The following KCNQ1 variants were observed in gnomAD, a reference collection of about 807,000 sequenced individuals.
KCNQ1 encodes the protein potassium voltage-gated channel subfamily Q member 1.
In KCNQ1, 49 loss-of-function variants were observed where a neutral mutation model predicts 72.4. The observed-to-expected ratio is 0.68, with a 90% confidence interval of 0.54 to 0.86. The LOEUF (loss-of-function observed/expected upper bound fraction) is 0.86. KCNQ1 is among the 40% of genes least tolerant of loss of function. The pLI, the probability that KCNQ1 is intolerant of heterozygous loss-of-function variation, is 0.00. For synonymous variants in KCNQ1, 450 were observed against 412.6 expected (o/e 1.09, Z -1.10); for missense variants, 790 against 945.1 (o/e 0.84, Z 2.15).
chr11:2,697,548 A>G (rs895356703), intron 11 of KCNQ1: 2 of 398,504 alleles, frequency 5.0e-6, no homozygotes, highest in African/African-American at 4.1e-5. Context: ...TGGCTTGCTA[A>G]GTGGTGTACT....
intron 15 of KCNQ1, among the ~76,000 whole-genome samples, chr11:2,802,470 A>G (rs942118074): frequency 3.3e-5 from 5 of 152,172 alleles, no homozygotes; most frequent in African/African-American, 1.2e-4. Context: ...ATGTCTATTA[A>G]TTAAGCCCCC....
chr11:2,766,164 A>G lies in KCNQ1; in HGVS notation c.1515-2680A>G, dbSNP rs1335171799. 2.0e-4 allele frequency among the ~76,000 whole-genome samples: 30 copies of G among 152,002 alleles called. No individual in the cohort carries two copies. Among genetic ancestry groups the G allele is most frequent in the Admixed American group, 1.3e-4 (2 of 15,280 alleles). ...GGTAAAATTGTCTATCTTTTCATCT[A>G]TTTTCTTGAACCTATTTATCATGGT... is the stretch of plus-strand genomic sequence containing the variant. On this transcript the variant is annotated intron_variant, in intron 11 of 15. Transcript: ENST00000155840. The surrounding 1 kb of genome is among the most constrained non-coding windows in gnomAD (Gnocchi z 4.4).
intron 10 of KCNQ1, chr11:2,629,875 C>A (rs1849325155): frequency 5.0e-6 from 2 of 397,984 alleles, no homozygotes; most frequent in Non-Finnish European, 4.4e-6. Context: ...CAAACAGAGA[C>A]AATTTTACTT....
At chr11:2,708,548 C>T (rs866224574) in intron 11 of KCNQ1, among the ~76,000 whole-genome samples, 1 of 152,120 alleles carries the variant, frequency 6.6e-6, no homozygotes, top group African/African-American at 2.4e-5. Context: ...CCAAGAGGGT[C>T]GGTGCGGAGA....
In KCNQ1 at chr11:2,848,060, C is replaced by T. The variant is rs1036974472; in HGVS notation, c.*57C>T. On this transcript the variant is annotated 3_prime_UTR_variant, in exon 16 of 16. Transcript: ENST00000155840. ...TGAGAGGGGAGGCCAAGAGTGGCCCCACCTGGCCCTCTCTGAAGGAGGCCA... is the reference window on the plus strand; with the variant it reads ...TGAGAGGGGAGGCCAAGAGTGGCCCTACCTGGCCCTCTCTGAAGGAGGCCA... 2.1e-6 allele frequency: 3 copies of T among 1,429,316 alleles called. No individual in the cohort carries two copies. 88.5% of individuals were successfully genotyped at this position (1,429,316 alleles called of 1,614,324 possible).
chr11:2,662,776 T>C lies in KCNQ1; in HGVS notation c.1514+695T>C, dbSNP rs542852747. On this transcript the variant is annotated intron_variant, in intron 11 of 15. Transcript: ENST00000155840. Reference sequence around the variant, plus strand: ...GCTGCTAACCCGTTGGGGATTCCCCTTGATAAATGTCTTTGTGTCAAGATC... The same window carrying C: ...GCTGCTAACCCGTTGGGGATTCCCCCTGATAAATGTCTTTGTGTCAAGATC... 1.2e-3 allele frequency: 495 copies of C among 399,216 alleles called. 1 individual carries two copies. Among genetic ancestry groups the C allele is most frequent in the Non-Finnish European group, 1.9e-3 (439 of 226,490 alleles). 24.7% of individuals were successfully genotyped at this position (399,216 alleles called of 1,614,324 possible). A position where few individuals can be genotyped will look rare whatever the true frequency, so the allele number is the denominator to read the frequency against.
rs1850336582 is a variant in KCNQ1 at position 2,678,735 on chromosome 11, TAGAC to T, written c.1514+16657_1514+16660del. On this transcript the variant is annotated intron_variant, in intron 11 of 15. Transcript: ENST00000155840. The surrounding 1 kb of genome is among the most constrained non-coding windows in gnomAD (Gnocchi z 4.9). ...TTAAACACAGGATTAGCTCTTGAGT[TAGAC>T]AGGAAGCTGGGGTGTTTGGGACTGA... The T allele has an allele frequency of 5.0e-6, 2 of 398,488 alleles. No homozygotes were observed. The highest frequency in any genetic ancestry group is 8.8e-5 in the Admixed American group (2 of 22,708). 24.7% of individuals were successfully genotyped at this position (398,488 alleles called of 1,614,324 possible). A position where few individuals can be genotyped will look rare whatever the true frequency, so the allele number is the denominator to read the frequency against.
chr11:2,776,023 C>T lies in KCNQ1; in HGVS notation c.1654C>T (p.Leu552Phe), dbSNP rs780896003. The change falls in exon 13 of 16, where the codon CTC becomes TTC. Residue 552 changes from leucine to phenylalanine, a missense_variant. Coordinates refer to ENST00000155840, the MANE Select transcript of KCNQ1 (RefSeq NM_000218.3). The part of the protein sequence containing the change: ...IEQYSQGHLN[L>F]MVRIKELQRR... ...GCAGTACTCGCAGGGCCACCTCAAC[C>T]TCATGGTGCGCATCAAGGAGCTGCA... The T allele has an allele frequency of 5.7e-6, 9 of 1,572,510 alleles. No homozygotes were observed.
At chr11:2,553,163 T>TTTTTG (rs374755711) in intron 2 of KCNQ1, among the ~76,000 whole-genome samples, 2,704 of 120,762 alleles carry the variant, frequency 0.022, 81 homozygotes, top group African/African-American at 0.099. Context: ...GTTTTTTTTG[T>TTTTTG]TTTTTTTTTT....
chr11:2,575,068 C>G (rs925968156), intron 6 of KCNQ1, among the ~76,000 whole-genome samples: 5 of 152,178 alleles, frequency 3.3e-5, no homozygotes, highest in Admixed American at 1.3e-4. Context: ...GGGTACTGGC[C>G]CCGGCACGGC....
intron 4 of KCNQ1, 127 bp from the exon 5 acceptor site, chr11:2,571,886 C>T (rs1044873341): frequency 2.6e-6 from 2 of 756,674 alleles, no homozygotes; most frequent in Non-Finnish European, 2.3e-6. Context: ...TACCCAGCCT[C>T]CCCACCCAGA....
intron 13 of KCNQ1, among the ~76,000 whole-genome samples, chr11:2,776,618 G>A (rs1015156163): frequency 3.3e-5 from 5 of 152,188 alleles, no homozygotes; most frequent in East Asian, 1.9e-4. Context: ...AGATGGGCTC[G>A]CCTGGGAACT....
chr11:2,692,559 CT>C, intron 11 of KCNQ1: 2 of 398,834 alleles, frequency 5.0e-6, no homozygotes, highest in East Asian at 7.1e-5. Context: ...GCCCCTGCCA[CT>C]TTCCCCAAGG....
chr11:2,647,249 T>C lies in KCNQ1; in HGVS notation c.1394-14712T>C, dbSNP rs1412744777. ...GAGATGATCATGTATTTTTTTGTCCTTCCTTCTGTTAATGTGATGTATCAC... is the reference window on the plus strand; with the variant it reads ...GAGATGATCATGTATTTTTTTGTCCCTCCTTCTGTTAATGTGATGTATCAC... On this transcript the variant is annotated intron_variant, in intron 10 of 15. Coordinates refer to ENST00000155840, the MANE Select transcript of KCNQ1 (RefSeq NM_000218.3). The surrounding 1 kb of genome is among the most constrained non-coding windows in gnomAD (Gnocchi z 4.0). 5.0e-6 allele frequency: 2 copies of C among 398,418 alleles called. No homozygotes were observed. The highest frequency in any genetic ancestry group is 8.8e-6 in the Non-Finnish European group (2 of 226,052). 24.7% of individuals were successfully genotyped at this position (398,418 alleles called of 1,614,324 possible). A position where few individuals can be genotyped will look rare whatever the true frequency, so the allele number is the denominator to read the frequency against.
rs876657836 is a variant in KCNQ1 at position 2,587,637 on chromosome 11, C to T, written c.1196C>T (p.Ala399Val). ...ACCTGGAAGATCTACATCCGGAAGG[C>T]CCCCCGGAGCCACACTCTGCTGTCA... ...SSTWKIYIRK[A>V]PRSHTLLSPS... Residue 399 changes from alanine to valine, a missense_variant, in exon 9 of 16, where the codon GCC (alanine) becomes GTC (valine). Coordinates refer to ENST00000155840, the MANE Select transcript of KCNQ1 (RefSeq NM_000218.3). 33 of 1,613,752 alleles carry T rather than the reference C, an allele frequency of 2.0e-5. No individual in the cohort carries two copies. In the Admixed American group the frequency reaches 4.2e-4, roughly 20 times the overall value.
intron 1 of KCNQ1, among the ~76,000 whole-genome samples, chr11:2,465,126 C>T (rs1015379425): frequency 6.6e-6 from 1 of 152,240 alleles, no homozygotes; most frequent in African/African-American, 2.4e-5. Flanking sequence ...TCCTAACCTT[C>T]CATGGGCCAC....
At chr11:2,786,713 A>G (rs1846922316) in intron 15 of KCNQ1, among the ~76,000 whole-genome samples, 1 of 151,588 alleles carries the variant, frequency 6.6e-6, no homozygotes, top group Non-Finnish European at 1.5e-5. Flanking sequence ...TTCAATTATT[A>G]TTATTTTATT....
intron 1 of KCNQ1, among the ~76,000 whole-genome samples, chr11:2,514,274 C>T (rs1030450940): frequency 6.6e-6 from 1 of 152,256 alleles, no homozygotes; most frequent in Non-Finnish European, 1.5e-5. Context: ...TCATAGAGCC[C>T]GGCAGCATCT....
chr11:2,756,497 A>G (rs1368563699), intron 11 of KCNQ1, among the ~76,000 whole-genome samples: 1 of 151,786 alleles, frequency 6.6e-6, no homozygotes, highest in Non-Finnish European at 1.5e-5. Flanking sequence ...ATAATATTAT[A>G]TTAAAAAAGA....
Sources: gnomAD v4.1 joint callset for allele counts (sites outside exome capture counted in the v4.1 genomes callset) on GRCh38, gnomAD v4.1.1 for gene constraint, Gnocchi (gnomAD v3.1) non-coding constraint, MANE v1.5 for transcripts, NCBI Gene and HGNC (gene_info 2026-07-23, HGNC 2026-07-21) for gene names.